ELMOD2: variants seen among roughly 807,000 people sequenced by gnomAD.
ELMOD2 encodes the protein ELMO domain containing 2.
A neutral mutation model predicts 41.0 loss-of-function variants in ELMOD2; 28 were observed. That is an observed-to-expected ratio of 0.68 (90% confidence interval 0.51 to 0.94). The LOEUF (loss-of-function observed/expected upper bound fraction) is 0.94. ELMOD2 is among the 40% of genes least tolerant of loss of function. The pLI is 0.00. For synonymous variants in ELMOD2, 106 were observed against 107.2 expected (o/e 0.99, Z 0.07); for missense variants, 333 against 343.1 (o/e 0.97, Z 0.23).
At position 140,548,873 on chromosome 4, in the gene ELMOD2, TATATGATAAACTGCACATATTATATGAC is replaced by T. The variant is rs1345460328; in HGVS notation, c.737-1335_737-1308del. Among the ~76,000 whole-genome samples, 36 of 152,312 alleles carry T rather than the reference TATATGATAAACTGCACATATTATATGAC, an allele frequency of 2.4e-4. No homozygotes were observed. The Middle Eastern group carries it at 0.01, about 43-fold the overall frequency. On this transcript the variant is annotated intron_variant, in intron 8 of 8. Coordinates refer to ENST00000323570, the MANE Select transcript of ELMOD2 (RefSeq NM_153702.4). ...TTACTTTTTAACAGCTTTGTTAAGGTATATGATAAACTGCACATATTATATGACATATGATAAACTGCACATATTTAAA... is the reference window on the plus strand; with the variant it reads ...TTACTTTTTAACAGCTTTGTTAAGGTATATGATAAACTGCACATATTTAAA...
In ELMOD2 at chr4:140,550,332, G is replaced by A; in HGVS notation, c.839G>A (p.Gly280Glu). The change falls in exon 9 of 9, where the codon GGA becomes GAA. Residue 280 changes from glycine (G) to glutamate (E), a missense_variant. Physicochemically the swap from Gly to Glu is moderately conservative, Grantham distance 98 (BLOSUM62 -2). Transcript: ENST00000323570. ...GAGAAGTTTCATGAAAAGATTAAAG[G>A]ACTTTTACTGGATTGTAATGTAGCA... ...YREKFHEKIK[G>E]LLLDCNVALT... is the part of the protein sequence containing the mutation. 2 of 1,610,670 alleles carry A rather than the reference G, an allele frequency of 1.2e-6. No individual in the cohort carries two copies. Among genetic ancestry groups the A allele is most frequent in the Non-Finnish European group, 1.7e-6 (2 of 1,178,186 alleles).
chr4:140,543,978 C>A (rs1024307761), intron 8 of ELMOD2, among the ~76,000 whole-genome samples: 3 of 152,050 alleles, frequency 2.0e-5, no homozygotes, highest in Non-Finnish European at 2.9e-5. Flanking sequence ...TTTAGAGGAA[C>A]TTTTCGCCTC....
intron 3 of ELMOD2, among the ~76,000 whole-genome samples, chr4:140,535,169 CT>C (rs1734878402): frequency 6.8e-6 from 1 of 146,528 alleles, no homozygotes; most frequent in East Asian, 2.2e-4. Context: ...CTCTCTCTCT[CT>C]CTCTCTCGCC....
chr4:140,539,454 C>T lies in ELMOD2; in HGVS notation c.400-714C>T, dbSNP rs542807650. Among the ~76,000 whole-genome samples the T allele has an allele frequency of 1.5e-3, 223 of 151,964 alleles. 1 individual carries two copies. The highest frequency in any genetic ancestry group is 5.3e-3 in the African/African-American group (218 of 41,480). On this transcript the variant is annotated intron_variant, in intron 5 of 8. Transcript: ENST00000323570. Reference sequence around the variant, plus strand: ...TCAGCTCACTGCAAGCTCCGCCTCCCGGGTTCACGCCATTCTCCTGTCTCA... The same window carrying T: ...TCAGCTCACTGCAAGCTCCGCCTCCTGGGTTCACGCCATTCTCCTGTCTCA...
chr4:140,524,853 A>T (rs966901994), intron 1 of ELMOD2: 1 of 157,096 alleles, frequency 6.4e-6, no homozygotes, highest in African/African-American at 2.4e-5. Flanking sequence ...CCCTTGACCT[A>T]TTGAATGGAA....
rs973508129 is a variant in ELMOD2, at chr4:140,524,216, C to A, written c.-74C>A. The stretch of plus-strand genomic sequence containing the variant: ...AGGGAGTGTTCCGTCGTTTCCGTTG[C>A]CGGCTGTTTGCAGTGGGGAAACCGA... On this transcript the variant is annotated 5_prime_UTR_variant, in exon 1 of 9. Transcript: ENST00000323570. 1.3e-5 allele frequency: 2 copies of A among 152,304 alleles called. No individual in the cohort carries two copies. The highest frequency in any genetic ancestry group is 4.8e-5 in the African/African-American group (2 of 41,464). The allele number at this position is 152,304 out of a possible 1,614,324, so 9.4% of individuals were successfully genotyped here.
At chr4:140,542,481 CTA>C in intron 6 of ELMOD2, 91 bp from the exon 7 acceptor site, 1 of 869,366 alleles carries the variant, frequency 1.2e-6, no homozygotes, top group Non-Finnish European at 1.8e-6. Context: ...AATACTAGGA[CTA>C]TGATTTTGAC....
chr4:140,538,719 A>G lies in ELMOD2; in HGVS notation c.399+1178A>G, dbSNP rs1287186719. Among the ~76,000 whole-genome samples, 2 of 152,208 alleles carry G rather than the reference A, an allele frequency of 1.3e-5. 1 individual carries two copies. The highest frequency in any genetic ancestry group is 2.9e-5 in the Non-Finnish European group (2 of 68,036). On this transcript the variant is annotated intron_variant, in intron 5 of 8. Coordinates refer to ENST00000323570, the MANE Select transcript of ELMOD2 (RefSeq NM_153702.4). ...GGTGAAATTCAGTTCTACACTACAC[A>G]TACTCAGCAGTCTTACTGGGTGAAG...
intron 1 of ELMOD2, chr4:140,524,520 C>T: frequency 1.1e-6 from 1 of 875,096 alleles, no homozygotes; most frequent in Non-Finnish European, 1.4e-6. Flanking sequence ...CTCGGCAGTT[C>T]TGCGCTTTTG....
At chr4:140,531,676 A>C (rs927332399) in intron 3 of ELMOD2, among the ~76,000 whole-genome samples, 7 of 152,210 alleles carry the variant, frequency 4.6e-5, no homozygotes, top group African/African-American at 1.7e-4. Flanking sequence ...GCACATTTGC[A>C]TTTTTGGGCC....
chr4:140,527,770 A>T (rs1734617559), intron 3 of ELMOD2: 1 of 357,290 alleles, frequency 2.8e-6, no homozygotes, highest in Non-Finnish European at 5.0e-6. Context: ...GCAGGGCCTT[A>T]GGAGGAAAGT....
chr4:140,545,960 A>G (rs907484031), intron 8 of ELMOD2, among the ~76,000 whole-genome samples: 3 of 152,194 alleles, frequency 2.0e-5, no homozygotes, highest in African/African-American at 7.2e-5. Context: ...TAGAAATACC[A>G]CTTGACCCAG....
Position 140,531,983 on chromosome 4 carries a change from A to T in ELMOD2, c.172-3750A>T, listed in dbSNP as rs540534173. ...TATTACATTAACTCCTAGGAAATAG[A>T]ATAGAAAGAAACACACTTTATGGGG... is the stretch of plus-strand genomic sequence containing the variant. On this transcript the variant is annotated intron_variant, in intron 3 of 8. Coordinates refer to ENST00000323570, the MANE Select transcript of ELMOD2 (RefSeq NM_153702.4). 2.7e-3 allele frequency among the ~76,000 whole-genome samples: 413 copies of T among 152,288 alleles called. 1 individual carries two copies. Among genetic ancestry groups the T allele is most frequent in the Non-Finnish European group, 5.0e-3 (341 of 68,028 alleles).
rs1453435014 is a variant in ELMOD2, at chr4:140,540,224, G to A, written c.456G>A (p.Trp152Ter). The A allele has an allele frequency of 6.2e-7, 1 of 1,614,012 alleles. No individual in the cohort carries two copies. The highest frequency in any genetic ancestry group is 8.5e-7 in the Non-Finnish European group (1 of 1,180,016). The change falls in exon 6 of 9, where the codon TGG becomes TGA. Residue 152 changes from tryptophan (W) to a stop codon, truncating the protein, a stop_gained. Transcript: ENST00000323570. LOFTEE classifies it high-confidence loss of function. The stretch of plus-strand genomic sequence containing the variant: ...TAAACGCTAGAATCTCCAAGCAGTG[G>A]GCTGAAATTGGTTTTCAGGGTGATG... ...KKLNARISKQ[W>*]AEIGFQGDDP... is the part of the protein sequence containing the mutation.
At chr4:140,534,176 AT>A (rs1462341152) in intron 3 of ELMOD2, among the ~76,000 whole-genome samples, 5 of 152,170 alleles carry the variant, frequency 3.3e-5, no homozygotes, top group Non-Finnish European at 5.9e-5. Context: ...GAATAAGCAA[AT>A]TGAGGTATAT....
intron 8 of ELMOD2, among the ~76,000 whole-genome samples, chr4:140,549,357 A>ATATGTGTG (rs376699079): frequency 6.7e-6 from 1 of 150,132 alleles, no homozygotes; most frequent in Non-Finnish European, 1.5e-5. Flanking sequence ...GTTTACATAT[A>ATATGTGTG]TGTGTGTGTG....
chr4:140,547,257 T>C (rs536106629), intron 8 of ELMOD2, among the ~76,000 whole-genome samples: 75 of 152,320 alleles, frequency 4.9e-4, no homozygotes, highest in African/African-American at 1.7e-3. Context: ...ATGATCTGCC[T>C]TCATCTCCCT....
intron 5 of ELMOD2, among the ~76,000 whole-genome samples, chr4:140,539,145 T>C (rs1735027690): frequency 1.3e-5 from 2 of 152,182 alleles, no homozygotes; most frequent in Admixed American, 6.5e-5. Flanking sequence ...AGAATACTCC[T>C]TTCATTAGGG....
At chr4:140,546,796 C>T (rs770254385) in intron 8 of ELMOD2, among the ~76,000 whole-genome samples, 3 of 151,982 alleles carry the variant, frequency 2.0e-5, no homozygotes, top group East Asian at 1.9e-4. Flanking sequence ...GACACCATCT[C>T]GGCTGGCTCC....
Sources: allele counts gnomAD v4.1 joint callset (sites outside exome capture counted in the v4.1 genomes callset), GRCh38; gene constraint gnomAD v4.1.1; transcripts MANE v1.5; gene names NCBI Gene and HGNC (gene_info 2026-07-23, HGNC 2026-07-21).